RABGEF1: variants seen among roughly 807,000 people sequenced by gnomAD.
The protein encoded by RABGEF1 is rab5 GDP/GTP exchange factor.
A neutral mutation model predicts 57.3 loss-of-function variants in RABGEF1; 26 were observed. That is an observed-to-expected ratio of 0.45 (90% CI 0.33 to 0.63). The LOEUF (loss-of-function observed/expected upper bound fraction) is 0.63, where lower values mean the gene tolerates loss of function less well. Ranked by LOEUF, RABGEF1 falls within the 20% of genes least tolerant of loss-of-function variation. The pLI is 0.02. For missense variants in RABGEF1, 464 were observed against 607.6 expected (o/e 0.76, Z 2.48); for synonymous variants, 185 against 210.7 (o/e 0.88, Z 1.06).
At chr7:66,733,373 A>G (rs1024562905) in intron 2 of RABGEF1, among the ~76,000 whole-genome samples, 2 of 152,082 alleles carry the variant, frequency 1.3e-5, no homozygotes, top group Non-Finnish European at 2.9e-5. Flanking sequence ...GGGGGCACCG[A>G]TTTGGGTCTT....
intron 2 of RABGEF1, among the ~76,000 whole-genome samples, chr7:66,723,084 T>G (rs1260083941): frequency 1.3e-5 from 2 of 152,146 alleles, no homozygotes; most frequent in African/African-American, 4.8e-5. Flanking sequence ...TTCTCCTACC[T>G]CAGCCTCCCT....
At chr7:66,717,495 C>G (rs1795542572) in intron 2 of RABGEF1, among the ~76,000 whole-genome samples, 1 of 151,826 alleles carries the variant, frequency 6.6e-6, no homozygotes, top group African/African-American at 2.4e-5. Context: ...TGGTGGCTCA[C>G]ACCTGTAATC....
chr7:66,781,487 T>G lies in RABGEF1; in HGVS notation c.347-2188T>G, dbSNP rs148053209. On this transcript the variant is annotated intron_variant, in intron 3 of 8. Transcript: ENST00000284957. ...TCAACCCATCACCTACGTTAGGTAT[T>G]TCTCCTAATTAGGTTATCCCTCCCC... is the stretch of plus-strand genomic sequence containing the variant. 1.2e-3 allele frequency among the ~76,000 whole-genome samples: 178 copies of G among 152,308 alleles called. 1 individual carries two copies. In the South Asian group the frequency reaches 0.024, roughly 21 times the overall value.
intron 1 of RABGEF1, among the ~76,000 whole-genome samples, chr7:66,710,476 G>A (rs996775908): frequency 2.0e-5 from 3 of 152,168 alleles, no homozygotes; most frequent in African/African-American, 7.2e-5. Flanking sequence ...TTCCAAAGTG[G>A]TTGTACCATT....
chr7:66,734,103 G>A (rs187624504), intron 2 of RABGEF1, among the ~76,000 whole-genome samples: 184 of 152,352 alleles, frequency 1.2e-3, no homozygotes, highest in Non-Finnish European at 2.0e-3. Context: ...CGGGGCCCTG[G>A]GGACACATTC....
At chr7:66,752,259 C>T (rs1189794534) in intron 1 of RABGEF1, among the ~76,000 whole-genome samples, 2 of 151,930 alleles carry the variant, frequency 1.3e-5, no homozygotes, top group African/African-American at 4.8e-5. Context: ...TTTGGGAGTC[C>T]GAGGTGGACG....
At chr7:66,739,725 G>A (rs557338926), upstream of RABGEF1, 2 of 149,688 alleles carry the variant, frequency 1.3e-5, no homozygotes, top group South Asian at 4.2e-4. Flanking sequence ...ACACTACAGC[G>A]ACAATTAGCA....
chr7:66,748,143 T>C (rs973577476), intron 1 of RABGEF1, among the ~76,000 whole-genome samples: 2 of 152,208 alleles, frequency 1.3e-5, no homozygotes, highest in Non-Finnish European at 2.9e-5. Flanking sequence ...CCAGCATGCG[T>C]TTCAAAGGGC....
chr7:66,656,840 AAG>A, the RABGEF1 span, among the ~76,000 whole-genome samples: 6 of 150,116 alleles, frequency 4.0e-5, no homozygotes, highest in African/African-American at 1.5e-4. Context: ...AAAAAAAAAA[AAG>A]TAACCAAATG....
At chr7:66,743,492 G>T (rs562321717) in intron 1 of RABGEF1, among the ~76,000 whole-genome samples, 1 of 151,512 alleles carries the variant, frequency 6.6e-6, no homozygotes, top group African/African-American at 2.4e-5. Context: ...AATTTAGCTT[G>T]CCTGGCTAAA....
chr7:66,693,515 GACT>G (rs1360455654), intron 1 of RABGEF1, among the ~76,000 whole-genome samples: 1 of 151,972 alleles, frequency 6.6e-6, no homozygotes, highest in Non-Finnish European at 1.5e-5. Flanking sequence ...CTGGTCCCCT[GACT>G]ACTCCTCCTC....
upstream of RABGEF1, among the ~76,000 whole-genome samples, chr7:66,738,029 T>TG (rs1432389437): frequency 1.4e-5 from 2 of 143,566 alleles, no homozygotes; most frequent in East Asian, 2.1e-4. Context: ...TTTTGTTTTT[T>TG]TTTTTTTTTG....
chr7:66,776,283 A>G (rs1808512332), intron 3 of RABGEF1, among the ~76,000 whole-genome samples: 1 of 152,196 alleles, frequency 6.6e-6, no homozygotes, highest in Non-Finnish European at 1.5e-5. Flanking sequence ...GAATAATAAG[A>G]CAGTGTTACT....
chr7:66,673,191 A>G, the RABGEF1 span, among the ~76,000 whole-genome samples: 3 of 140,472 alleles, frequency 2.1e-5, no homozygotes, highest in Non-Finnish European at 3.1e-5. Flanking sequence ...CCTGTGACCT[A>G]TGATTCATCA....
exon 2 of RABGEF1, chr7:66,712,203 A>G (rs544326641): frequency 6.6e-6 from 1 of 152,334 alleles, no homozygotes; most frequent in African/African-American, 2.4e-5. Flanking sequence ...ACCTGTATCA[A>G]GTCTTCTAAT....
upstream of RABGEF1, among the ~76,000 whole-genome samples, chr7:66,681,636 T>G (rs1789747851): frequency 6.6e-6 from 1 of 152,178 alleles, no homozygotes; most frequent in Non-Finnish European, 1.5e-5. Flanking sequence ...ACTCCTGGCC[T>G]CAAGCGATCC....
chr7:66,704,838 C>T (rs1793775747), intron 1 of RABGEF1, among the ~76,000 whole-genome samples: 1 of 151,858 alleles, frequency 6.6e-6, no homozygotes, highest in African/African-American at 2.4e-5. Context: ...TTTAAATAAC[C>T]AACGTGTATC....
chr7:66,681,526 G>C (rs1789736979), upstream of RABGEF1, among the ~76,000 whole-genome samples: 1 of 151,764 alleles, frequency 6.6e-6, no homozygotes, highest in South Asian at 2.1e-4. Flanking sequence ...AGCCTCCCCA[G>C]TAGTTGGGAC....
At chr7:66,761,609 C>CG (rs1804371236) in intron 1 of RABGEF1, among the ~76,000 whole-genome samples, 4 of 152,176 alleles carry the variant, frequency 2.6e-5, no homozygotes, top group Admixed American at 2.6e-4. Context: ...GGCTTCCTGA[C>CG]ACCAGCATTC....
Sources: gnomAD v4.1 joint callset for allele counts (sites outside exome capture counted in the v4.1 genomes callset) on GRCh38, gnomAD v4.1.1 for gene constraint, MANE v1.5 for transcripts, NCBI Gene and HGNC (gene_info 2026-07-23, HGNC 2026-07-21) for gene names.